DCXR: variants seen among roughly 807,000 people sequenced by gnomAD.
The protein encoded by DCXR is L-xylulose reductase.
Under a neutral mutation model 25.9 loss-of-function variants are expected in DCXR, and 24 were observed. That is an observed-to-expected ratio of 0.93 (90% confidence interval 0.67 to 1.30). DCXR has a LOEUF of 1.30. Ranked by LOEUF, DCXR falls within the 50% of genes most tolerant of loss-of-function variation. The probability of loss-of-function intolerance (pLI) is 0.00; values close to 1 mark genes in which losing one functional copy is unlikely to be tolerated. For synonymous variants in DCXR, 161 were observed against 141.7 expected (o/e 1.14, Z -0.97); for missense variants, 348 against 333.7 (o/e 1.04, Z -0.33).
At chr17:82,036,349 T>C (rs2144168175) in intron 6 of DCXR, 35 bp downstream of exon 6, 1 of 1,613,126 alleles carries the variant, frequency 6.2e-7, no homozygotes, top group South Asian at 1.1e-5. Flanking sequence ...AAGTGGGGTG[T>C]CCTAGGTTGG....
intron 7 of DCXR, 51 bp downstream of exon 7, chr17:82,036,140 C>T: frequency 6.2e-7 from 1 of 1,605,862 alleles, no homozygotes; most frequent in Non-Finnish European, 8.5e-7. Context: ...CTACCCAGGG[C>T]ACACACAGGG....
chr17:82,036,489 G>GA, intron 5 of DCXR, 41 bp from the exon 6 acceptor site: 1 of 1,612,948 alleles, frequency 6.2e-7, no homozygotes, highest in Non-Finnish European at 8.5e-7. Context: ...TGGGGTCGGT[G>GA]ATGAGGGCGA....
rs985887100 is a variant in DCXR, at chr17:82,036,748, G to T, written c.321C>A (p.Asn107Lys). The T allele has an allele frequency of 1.2e-6, 2 of 1,613,502 alleles. No individual in the cohort carries two copies. The highest frequency in any genetic ancestry group is 2.7e-5 in the African/African-American group (2 of 74,910). Residue 107 changes from asparagine (N) to lysine (K), a missense_variant, in exon 4 of 8, where the codon AAC becomes AAA. Physicochemically the swap from Asn to Lys is moderately conservative, Grantham distance 94. Coordinates refer to ENST00000306869, the MANE Select transcript of DCXR (RefSeq NM_016286.4). ...KEAFDRSFEV[N>K]LRAVIQVSQI... ...GCGACACCTGGATGACCGCACGCAG[G>T]TTCACCTCAAAGGATCTAGAGGCCG...
At position 82,037,516 on chromosome 17, in the gene DCXR, G is replaced by C. The variant is rs2043507249; in HGVS notation, c.84C>G (p.His28Gln). 1.3e-6 allele frequency: 2 copies of C among 1,542,222 alleles called. No homozygotes were observed. The highest frequency in any genetic ancestry group is 4.9e-5 in the East Asian group (2 of 41,002). ...GIGRGTVQAL[H>Q]ATGARVVAVS... ...CAGCCACCACCCGCGCGCCCGTCGC[G>C]TGCAGCGCCTGGACCGTGCCGCGCC... The change falls in exon 2 of 8, where the codon CAC becomes CAG. Residue 28 changes from histidine (H) to glutamine (Q), a missense_variant. Physicochemically the swap from His to Gln is conservative, Grantham distance 24 (BLOSUM62 0). Coordinates refer to ENST00000306869, the MANE Select transcript of DCXR (RefSeq NM_016286.4).
intron 2 of DCXR, 29 bp from the exon 3 acceptor site, chr17:82,037,042 G>C (rs763807733): frequency 6.5e-7 from 1 of 1,549,696 alleles, no homozygotes; most frequent in South Asian, 1.2e-5. Context: ...AGTTACCAGA[G>C]GCTCTGTGCC....
At position 82,036,364 on chromosome 17, in the gene DCXR, G is replaced by A. The variant is rs372987720; in HGVS notation, c.513+20C>T. On this transcript the variant is annotated intron_variant, in intron 6 of 7. Transcript: ENST00000306869. ...AAGTGGGGTGTCCTAGGTTGGGGGA[G>A]GTACCCCAGCCCTGCTCACCTTGTG... 6.8e-6 allele frequency: 11 copies of A among 1,613,270 alleles called. No homozygotes were observed. The highest frequency in any genetic ancestry group is 9.3e-6 in the Non-Finnish European group (11 of 1,179,934).
chr17:82,037,000 TCTATCCCCGGGCA>T lies in DCXR; in HGVS notation c.151_163del (p.Cys51AsnfsTer27), dbSNP rs2144169901. The T allele has an allele frequency of 6.4e-7, 1 of 1,566,552 alleles. No individual in the cohort carries two copies. The highest frequency in any genetic ancestry group is 2.4e-5 in the East Asian group (1 of 41,556). ...GTCACCCAGGTCCACGCACACGGGT[TCTATCCCCGGGCA>T]CTGTGTGTATCAGGGGGCAGTTACC... On this transcript the variant is annotated frameshift_variant and splice_region_variant, in exon 3 of 8. Transcript: ENST00000306869. LOFTEE classifies it high-confidence loss of function.
Position 82,037,638 on chromosome 17 carries a change from T to A in DCXR, c.45A>T (p.Ala15=). The change falls in exon 1 of 8, where the codon GCA becomes GCT. Residue 15 remains alanine (A), a synonymous_variant. Transcript: ENST00000306869. ...CCTTTCCCCGCCGCCCACCTTTGCC[T>A]GCCCCGGTGACCAGCACCCGGCGGC... ...LAGRRVLVTG[A]GKGIGRGTVQ... 6.3e-7 allele frequency: 1 copy of A among 1,587,876 alleles called. No homozygotes were observed. The highest frequency in any genetic ancestry group is 8.5e-7 in the Non-Finnish European group (1 of 1,174,750).
At position 82,036,989 on chromosome 17, in the gene DCXR, C is replaced by T. The variant is rs779141749; in HGVS notation, c.175G>A (p.Val59Met). Reference protein sequence around the residue: ...RECPGIEPVCVDLGDWEATER... With the variant: ...RECPGIEPVCMDLGDWEATER... ...GTGGCCTCCCAGTCACCCAGGTCCA[C>T]GCACACGGGTTCTATCCCCGGGCAC... Residue 59 changes from valine (V) to methionine (M), a missense_variant, in exon 3 of 8, where the codon GTG (valine) becomes ATG (methionine). Physicochemically the swap from Val to Met is conservative, Grantham distance 21. Transcript: ENST00000306869. 25 of 1,576,226 alleles carry T rather than the reference C, an allele frequency of 1.6e-5. No homozygotes were observed. Among genetic ancestry groups the T allele is most frequent in the Middle Eastern group, 1.7e-4 (1 of 5,858 alleles).
Position 82,036,898 on chromosome 17 carries a change from AGCAGG to A in DCXR, c.261_265del (p.Leu88AlafsTer12). 6.2e-7 allele frequency: 1 copy of A among 1,613,086 alleles called. No homozygotes were observed. On this transcript the variant is annotated frameshift_variant, in exon 3 of 8. Coordinates refer to ENST00000306869, the MANE Select transcript of DCXR (RefSeq NM_016286.4). LOFTEE classifies it high-confidence loss of function. ...CTTGGTGACCTCCAGGAAGGGCTGC[AGCAGG>A]GCGACAGCGGCGTTGTTCACCAGCA... is the stretch of plus-strand genomic sequence containing the variant.
rs1264798856 is a variant in DCXR, at chr17:82,037,684, T to C, written c.-2A>G. On this transcript the variant is annotated 5_prime_UTR_variant, in exon 1 of 8. Transcript: ENST00000306869. ...GCGGCCCGCGAGGAACAGCTCCATG[T>C]CGGCGCAGTCTCCGCCCTCCGCACT... 1.9e-6 allele frequency: 3 copies of C among 1,589,548 alleles called. No individual in the cohort carries two copies. Among genetic ancestry groups the C allele is most frequent in the Non-Finnish European group, 2.6e-6 (3 of 1,175,800 alleles).
rs968889938 is a variant in DCXR at position 82,036,294 on chromosome 17, T to C, written c.528A>G (p.Ala176=). Residue 176 remains alanine, a synonymous_variant, in exon 7 of 8, where the codon GCA becomes GCG. Coordinates refer to ENST00000306869, the MANE Select transcript of DCXR (RefSeq NM_016286.4). ...ELGPHKIRVN[A]VNPTVVMTSM... Reference sequence around the variant, plus strand: ...ACGTCATCACCACTGTGGGGTTTACTGCATTCACTCGGATCTACACCGGGA... The same window carrying C: ...ACGTCATCACCACTGTGGGGTTTACCGCATTCACTCGGATCTACACCGGGA... 6.0e-6 allele frequency: 9 copies of C among 1,499,786 alleles called. No homozygotes were observed. In the African/African-American group the frequency reaches 1.4e-4, roughly 23 times the overall value. 92.9% of individuals were successfully genotyped at this position (1,499,786 alleles called of 1,614,324 possible). A position where few individuals can be genotyped will look rare whatever the true frequency, so the allele number is the denominator to read the frequency against.
In DCXR at chr17:82,036,278, C is replaced by T; in HGVS notation, c.544G>A (p.Val182Met). Residue 182 changes from valine (V) to methionine (M), a missense_variant, in exon 7 of 8, where the codon GTG (valine) becomes ATG (methionine). By Grantham distance (21) the Val-to-Met change is conservative (BLOSUM62 1). Coordinates refer to ENST00000306869, the MANE Select transcript of DCXR (RefSeq NM_016286.4). ...GTGGCCTGGCCCATGGACGTCATCA[C>T]CACTGTGGGGTTTACTGCATTCACT... is the stretch of plus-strand genomic sequence containing the variant. ...IRVNAVNPTV[V>M]MTSMGQATWS... 1 of 1,612,178 alleles carries T rather than the reference C, an allele frequency of 6.2e-7. No homozygotes were observed. The highest frequency in any genetic ancestry group is 1.1e-5 in the South Asian group (1 of 91,034).
chr17:82,037,666 G>A lies in DCXR; in HGVS notation c.17C>T (p.Ala6Val), dbSNP rs955427289. MELFL[A>V]GRRVLVTGAG... ...CCCGGTGACCAGCACCCGGCGGCCC[G>A]CGAGGAACAGCTCCATGTCGGCGCA... The change falls in exon 1 of 8, where the codon GCG becomes GTG. Residue 6 changes from alanine to valine, a missense_variant. Transcript: ENST00000306869. The A allele has an allele frequency of 3.8e-6, 6 of 1,591,016 alleles. No homozygotes were observed. Among genetic ancestry groups the A allele is most frequent in the Admixed American group, 3.4e-5 (2 of 59,082 alleles).
intron 2 of DCXR, 62 bp downstream of exon 2, chr17:82,037,388 C>CCG (rs2043504859): frequency 2.0e-6 from 3 of 1,474,554 alleles, no homozygotes; most frequent in Non-Finnish European, 2.7e-6. Context: ...GGTACCGCCC[C>CCG]CGCTCGCTGC....
Position 82,037,508 on chromosome 17 carries a change from C to T in DCXR, c.92G>A (p.Gly31Asp), listed in dbSNP as rs2043507055. The T allele has an allele frequency of 1.3e-6, 2 of 1,541,040 alleles. No individual in the cohort carries two copies. The highest frequency in any genetic ancestry group is 1.7e-6 in the Non-Finnish European group (2 of 1,150,738). The change falls in exon 2 of 8, where the codon GGC becomes GAC. Residue 31 changes from glycine (G) to aspartate (D), a missense_variant. Transcript: ENST00000306869. ...CCGGCTCACAGCCACCACCCGCGCG[C>T]CCGTCGCGTGCAGCGCCTGGACCGT... is the stretch of plus-strand genomic sequence containing the variant. ...RGTVQALHAT[G>D]ARVVAVSRTQ... is the part of the protein sequence containing the mutation.
In DCXR at chr17:82,037,455, G is replaced by C. The variant is rs376086551; in HGVS notation, c.145C>G (p.Arg49Gly). ...RTQADLDSLV[R>G]ECPGIEPVCV... ...TGGGACCCGGCGGGACCTACCTCGC[G>C]GACAAGGCTGTCAAGATCCGCCTGA... Residue 49 changes from arginine to glycine, a missense_variant, in exon 2 of 8, where the codon CGC becomes GGC. Transcript: ENST00000306869. 2.5e-5 allele frequency: 38 copies of C among 1,528,080 alleles called. No homozygotes were observed. Among genetic ancestry groups the C allele is most frequent in the Middle Eastern group, 2.2e-4 (1 of 4,562 alleles). 94.7% of individuals were successfully genotyped at this position (1,528,080 alleles called of 1,614,324 possible).
chr17:82,035,983 C>T lies in DCXR; in HGVS notation c.712G>A (p.Glu238Lys), dbSNP rs1176253593. 6.2e-7 allele frequency: 1 copy of T among 1,613,230 alleles called. No individual in the cohort carries two copies. Among genetic ancestry groups the T allele is most frequent in the Admixed American group, 1.7e-5 (1 of 60,010 alleles). Residue 238 changes from glutamate to lysine, a missense_variant, in exon 8 of 8, where the codon GAA (glutamate) becomes AAA (lysine). By Grantham distance (56) the Glu-to-Lys change is moderately conservative. Transcript: ENST00000306869. Reference sequence around the variant, plus strand: ...GCTCAGCAGGCCCAGAAGCCCCCTTCCACCGGCAAAGTGGAACCCGTGGTC... The same window carrying T: ...GCTCAGCAGGCCCAGAAGCCCCCTTTCACCGGCAAAGTGGAACCCGTGGTC... ...GMTTGSTLPV[E>K]GGFWAC
Position 82,036,226 on chromosome 17 carries a change from G to C in DCXR, c.596C>G (p.Thr199Ser). The change falls in exon 7 of 8, where the codon ACT becomes AGT. Residue 199 changes from threonine to serine, a missense_variant. Coordinates refer to ENST00000306869, the MANE Select transcript of DCXR (RefSeq NM_016286.4). ...GCCAAGTGGGATTCGGTTCAGCATA[G>C]TCTTGGCCTTGTGGGGGTCACTCCA... ...ATWSDPHKAKTMLNRIPLGKF... is the reference protein window; with the variant it reads ...ATWSDPHKAKSMLNRIPLGKF... 1 of 1,613,712 alleles carries C rather than the reference G, an allele frequency of 6.2e-7. No homozygotes were observed. Among genetic ancestry groups the C allele is most frequent in the Non-Finnish European group, 8.5e-7 (1 of 1,180,016 alleles).
Sources: allele counts gnomAD v4.1 joint callset, GRCh38; gene constraint gnomAD v4.1.1; transcripts MANE v1.5; gene names NCBI Gene and HGNC (gene_info 2026-07-23, HGNC 2026-07-21).